Variants in ZNF618 observed in about 807,000 individuals in gnomAD.
ZNF618 encodes the protein neural precursor cell expressed, developmentally down-regulated 10.
A neutral mutation model predicts 103.0 loss-of-function variants in ZNF618; 34 were observed. The ratio of observed to expected loss-of-function variants is 0.33; its 90% CI spans 0.25 to 0.44. The LOEUF is 0.44. Among genes scored for constraint, ZNF618 ranks in the 20% least tolerant of loss-of-function variants. The probability of loss-of-function intolerance (pLI) is 1.00; values close to 1 mark genes in which losing one functional copy is unlikely to be tolerated. For synonymous variants in ZNF618, 551 were observed against 542.2 expected, an observed-to-expected ratio of 1.02 and a Z score of -0.23; for missense variants, 1,059 against 1,295.4, an observed-to-expected ratio of 0.82 and a Z score of 2.80.
At chr9:113,995,190 T>C (rs1576467) in intron 3 of ZNF618, among the ~76,000 whole-genome samples, 133,722 of 151,802 alleles carry the variant, frequency 0.88, 59,438 homozygotes, top group East Asian at 0.96. Flanking sequence ...TATTGATCAC[T>C]GTTTCACACT....
intron 1 of ZNF618, among the ~76,000 whole-genome samples, chr9:113,948,135 C>T (rs1835226310): frequency 6.6e-6 from 1 of 152,166 alleles, no homozygotes; most frequent in Non-Finnish European, 1.5e-5. Flanking sequence ...TGCTGTGGGT[C>T]ATACATGCAG....
intron 2 of ZNF618, among the ~76,000 whole-genome samples, chr9:113,979,245 G>C (rs1300191207): frequency 6.6e-6 from 1 of 152,202 alleles, no homozygotes; most frequent in African/African-American, 2.4e-5. Context: ...TGAACTGTTA[G>C]TGGGAGCAGC....
intron 1 of ZNF618, among the ~76,000 whole-genome samples, chr9:113,918,615 A>T (rs1301770777): frequency 6.6e-6 from 1 of 151,902 alleles, no homozygotes; most frequent in Non-Finnish European, 1.5e-5. Context: ...AGACTGCTGG[A>T]TGTCTATTTT....
chr9:114,019,147 GA>G (rs2133991137), intron 10 of ZNF618, among the ~76,000 whole-genome samples: 1 of 151,100 alleles, frequency 6.6e-6, no homozygotes, highest in East Asian at 2.0e-4. Context: ...ATGTTTTTAA[GA>G]TTCATATTTT....
At chr9:113,898,325 C>G (rs1041099566) in intron 1 of ZNF618, among the ~76,000 whole-genome samples, 9 of 152,094 alleles carry the variant, frequency 5.9e-5, no homozygotes, top group African/African-American at 1.9e-4. Flanking sequence ...TCGCCCTCCC[C>G]CTGTTTGCCT....
chr9:114,032,617 T>C, intron 11 of ZNF618, 28 bp from the exon 12 acceptor site: 3 of 1,611,238 alleles, frequency 1.9e-6, no homozygotes, highest in Non-Finnish European at 2.5e-6. Flanking sequence ...CACCATTGTT[T>C]TCTTTCTCTC....
At chr9:113,965,060 T>A in intron 1 of ZNF618, among the ~76,000 whole-genome samples, 1 of 151,900 alleles carries the variant, frequency 6.6e-6, no homozygotes, top group Non-Finnish European at 1.5e-5. Context: ...TCTCTAGAAT[T>A]TTTAATTTCA....
At chr9:113,917,510 T>A (rs958192949) in intron 1 of ZNF618, among the ~76,000 whole-genome samples, 1 of 151,826 alleles carries the variant, frequency 6.6e-6, no homozygotes, top group African/African-American at 2.4e-5. Flanking sequence ...TGTCCCGGCC[T>A]CCTAAAGTGC....
chr9:113,912,625 G>C (rs1831655759), intron 1 of ZNF618, among the ~76,000 whole-genome samples: 1 of 152,126 alleles, frequency 6.6e-6, no homozygotes, highest in Non-Finnish European at 1.5e-5. Flanking sequence ...AATTGTTAAA[G>C]TCTATTAAAA....
At chr9:114,023,776 C>T (rs1843265199) in intron 10 of ZNF618, among the ~76,000 whole-genome samples, 1 of 151,778 alleles carries the variant, frequency 6.6e-6, no homozygotes, top group Non-Finnish European at 1.5e-5. Flanking sequence ...AATGTCATTC[C>T]TTTGTCTTCT....
rs200395252 is a variant in ZNF618, at chr9:114,050,434, G to GCA, written c.*273_*274dup. 50 of 316,720 alleles carry GCA rather than the reference G, an allele frequency of 1.6e-4. No homozygotes were observed. The highest frequency in any genetic ancestry group is 1.2e-3 in the South Asian group (29 of 23,318). 19.6% of individuals were successfully genotyped at this position (316,720 alleles called of 1,614,324 possible). A position where few individuals can be genotyped will look rare whatever the true frequency, so the allele number is the denominator to read the frequency against. ...TCATCTCCATGGCCAGAGAAACTTTGCACACACGCACACACACACACACAC... is the reference window on the plus strand; with the variant it reads ...TCATCTCCATGGCCAGAGAAACTTTGCACACACACGCACACACACACACACAC... On this transcript the variant is annotated 3_prime_UTR_variant, in exon 15 of 15. Coordinates refer to ENST00000374126, the MANE Select transcript of ZNF618 (RefSeq NM_001318042.2).
intron 1 of ZNF618, among the ~76,000 whole-genome samples, chr9:113,936,505 G>A (rs1348350191): frequency 6.6e-6 from 1 of 152,266 alleles, no homozygotes; most frequent in Non-Finnish European, 1.5e-5. Context: ...AGTTGCACAG[G>A]AGTGGGGACC....
At chr9:113,989,657 A>G (rs944775612) in intron 3 of ZNF618, among the ~76,000 whole-genome samples, 3 of 152,062 alleles carry the variant, frequency 2.0e-5, no homozygotes, top group Non-Finnish European at 2.9e-5. Flanking sequence ...CTCACCTCCT[A>G]CTGACTTCCA....
At chr9:113,948,203 G>A (rs575304244) in intron 1 of ZNF618, among the ~76,000 whole-genome samples, 1 of 152,312 alleles carries the variant, frequency 6.6e-6, no homozygotes, top group South Asian at 2.1e-4. Context: ...AGGGCCTCAA[G>A]CATACTCCAT....
intron 1 of ZNF618, among the ~76,000 whole-genome samples, chr9:113,966,356 ACT>A (rs1837404279): frequency 6.6e-6 from 1 of 152,012 alleles, no homozygotes. Context: ...CTAACTCTAA[ACT>A]CTGTTCTCTT....
At chr9:113,907,826 T>C (rs952805455) in intron 1 of ZNF618, among the ~76,000 whole-genome samples, 3 of 152,196 alleles carry the variant, frequency 2.0e-5, no homozygotes, top group Non-Finnish European at 4.4e-5. Context: ...AGGACTCTCT[T>C]TCCTTCCGAT....
At chr9:114,030,574 T>C (rs10982041) in intron 11 of ZNF618, among the ~76,000 whole-genome samples, 41,455 of 152,142 alleles carry the variant, frequency 0.27, 6,062 homozygotes, top group Middle Eastern at 0.42. Context: ...TCAGGCTGCC[T>C]TCATGTGCCT....
intron 1 of ZNF618, among the ~76,000 whole-genome samples, chr9:113,880,828 T>C (rs1469690237): frequency 6.6e-6 from 1 of 152,256 alleles, no homozygotes; most frequent in Non-Finnish European, 1.5e-5. Context: ...GGTACTGGAC[T>C]AGCTGAACCG....
intron 2 of ZNF618, among the ~76,000 whole-genome samples, chr9:113,973,233 C>A (rs1838157872): frequency 6.6e-6 from 1 of 152,218 alleles, no homozygotes; most frequent in East Asian, 1.9e-4. Flanking sequence ...CCTGAAGTTC[C>A]CCAAAGTCAG....
Sources: gnomAD v4.1 joint callset for allele counts (sites outside exome capture counted in the v4.1 genomes callset) on GRCh38, gnomAD v4.1.1 for gene constraint, MANE v1.5 for transcripts, NCBI Gene and HGNC (gene_info 2026-07-23, HGNC 2026-07-21) for gene names.